Variants in PIBF1 observed in about 807,000 individuals in gnomAD.
PIBF1 encodes the protein progesterone-induced-blocking factor 1.
Under a neutral mutation model 112.5 loss-of-function variants are expected in PIBF1, and 90 were observed. That is an observed-to-expected ratio of 0.80 (90% CI 0.67 to 0.95). The LOEUF (loss-of-function observed/expected upper bound fraction) is 0.95, where lower values mean the gene tolerates loss of function less well. Ranked by LOEUF, PIBF1 falls within the 40% of genes least tolerant of loss-of-function variation. PIBF1 has a pLI of 0.00. For missense variants in PIBF1, 915 were observed against 852.3 expected, an observed-to-expected ratio of 1.07 and a Z score of -0.92; for synonymous variants, 301 against 288.6, an observed-to-expected ratio of 1.04 and a Z score of -0.44.
rs115973036 is a variant in PIBF1, at chr13:72,919,937, A to G, written c.1730+2771A>G. Among the ~76,000 whole-genome samples, 1,218 of 152,204 alleles carry G rather than the reference A, an allele frequency of 8.0e-3. 14 individuals carry two copies. The highest frequency in any genetic ancestry group is 0.028 in the African/African-American group (1,147 of 41,536). On this transcript the variant is annotated intron_variant, in intron 13 of 17. Transcript: ENST00000326291. Reference sequence around the variant, plus strand: ...AGCAGTGAACCGTGATTGTCCACTTACTCTTCAGCCTGGGTGACAGAGTAA... The same window carrying G: ...AGCAGTGAACCGTGATTGTCCACTTGCTCTTCAGCCTGGGTGACAGAGTAA...
chr13:72,843,794 A>G (rs2037717561), intron 9 of PIBF1, among the ~76,000 whole-genome samples: 2 of 152,082 alleles, frequency 1.3e-5, no homozygotes, highest in African/African-American at 2.4e-5. Context: ...TTTACTAGAG[A>G]TGTTTCTCTG....
chr13:72,874,665 A>G (rs2039318200), intron 10 of PIBF1, among the ~76,000 whole-genome samples: 1 of 152,218 alleles, frequency 6.6e-6, no homozygotes, highest in Non-Finnish European at 1.5e-5. Flanking sequence ...TTGCATGGCC[A>G]AAACAGTTGT....
rs1429838354 is a variant in PIBF1, at chr13:72,894,771, TAGTG to T, written c.1488+823_1488+826del. Reference sequence around the variant, plus strand: ...ATAATATATATATTATATATATATATAGTGTGTGTGTGTGTGTGTGTGTGTGTGT... The same window carrying T: ...ATAATATATATATTATATATATATATTGTGTGTGTGTGTGTGTGTGTGTGT... On this transcript the variant is annotated intron_variant, in intron 11 of 17. Coordinates refer to ENST00000326291, the MANE Select transcript of PIBF1 (RefSeq NM_006346.4). Among the ~76,000 whole-genome samples the T allele has an allele frequency of 4.7e-3, 450 of 96,148 alleles. 4 individuals carry two copies. Among genetic ancestry groups the T allele is most frequent in the African/African-American group, 0.018 (399 of 22,100 alleles). The allele number at this position is 96,148 out of a possible 152,430, so 63.1% of individuals were successfully genotyped here.
At chr13:72,939,072 A>T (rs1292037602) in intron 14 of PIBF1, among the ~76,000 whole-genome samples, 1 of 152,146 alleles carries the variant, frequency 6.6e-6, no homozygotes, top group Non-Finnish European at 1.5e-5. Context: ...CTAGACCTTT[A>T]TCCAATACAT....
chr13:72,810,908 G>T (rs1284710986), intron 5 of PIBF1, among the ~76,000 whole-genome samples: 1 of 150,950 alleles, frequency 6.6e-6, no homozygotes, highest in Non-Finnish European at 1.5e-5. Flanking sequence ...CCAGGCTGGA[G>T]TGCCTTGGCA....
At chr13:72,944,314 G>A (rs1181432617) in intron 14 of PIBF1, among the ~76,000 whole-genome samples, 1 of 152,006 alleles carries the variant, frequency 6.6e-6, no homozygotes, top group Non-Finnish European at 1.5e-5. Flanking sequence ...GGGCGTGGTT[G>A]TGGGCACCTG....
intron 15 of PIBF1, among the ~76,000 whole-genome samples, chr13:72,965,980 T>C (rs770638184): frequency 5.3e-5 from 8 of 152,212 alleles, no homozygotes; most frequent in African/African-American, 7.2e-5. Flanking sequence ...TTTTTTAAAC[T>C]GAAATTAAAG....
At chr13:72,849,964 A>G (rs916658205) in intron 9 of PIBF1, among the ~76,000 whole-genome samples, 2 of 152,390 alleles carry the variant, frequency 1.3e-5, no homozygotes, top group Non-Finnish European at 2.9e-5. Flanking sequence ...CTTCTGGCAC[A>G]TGGTAAACAG....
chr13:72,785,078 A>T (rs1288650705), intron 2 of PIBF1, among the ~76,000 whole-genome samples: 2 of 152,076 alleles, frequency 1.3e-5, no homozygotes, highest in Admixed American at 1.3e-4. Flanking sequence ...CAATCCCAAC[A>T]GTGAGGGTTC....
intron 15 of PIBF1, among the ~76,000 whole-genome samples, chr13:72,967,898 A>G (rs2042784745): frequency 1.3e-5 from 2 of 152,082 alleles, no homozygotes; most frequent in South Asian, 4.2e-4. Flanking sequence ...AAAATATTCC[A>G]TATCTGGCTG....
intron 16 of PIBF1, among the ~76,000 whole-genome samples, chr13:72,987,130 T>C (rs1024089093): frequency 6.6e-6 from 1 of 152,134 alleles, no homozygotes; most frequent in Non-Finnish European, 1.5e-5. Flanking sequence ...TTTTCAGTCA[T>C]AAGAGAGATG....
chr13:72,810,431 G>T (rs1401867820), intron 5 of PIBF1, among the ~76,000 whole-genome samples: 1 of 152,142 alleles, frequency 6.6e-6, no homozygotes, highest in African/African-American at 2.4e-5. Context: ...GAAGAATTTT[G>T]TCAAGAGTAC....
At chr13:72,887,249 G>A (rs928101881) in intron 10 of PIBF1, among the ~76,000 whole-genome samples, 1 of 151,772 alleles carries the variant, frequency 6.6e-6, no homozygotes, top group African/African-American at 2.4e-5. Context: ...ATGCACAAAA[G>A]TAAAATCTCT....
At chr13:72,975,376 A>G (rs948437425) in intron 16 of PIBF1, among the ~76,000 whole-genome samples, 5 of 152,184 alleles carry the variant, frequency 3.3e-5, no homozygotes, top group Admixed American at 6.5e-5. Context: ...CATTTAAAAC[A>G]TATCATTGGT....
chr13:72,795,483 G>A lies in PIBF1; in HGVS notation c.478G>A (p.Glu160Lys). 1 of 1,610,094 alleles carries A rather than the reference G, an allele frequency of 6.2e-7. No individual in the cohort carries two copies. The highest frequency in any genetic ancestry group is 1.7e-4 in the Middle Eastern group (1 of 6,040). Residue 160 changes from glutamate (E) to lysine (K), a missense_variant, in exon 4 of 18, where the codon GAG becomes AAG. By Grantham distance (56) the Glu-to-Lys change is moderately conservative (BLOSUM62 1). Transcript: ENST00000326291. ...GDVRRNLRDFELTEEQYIKLK... is the reference protein window; with the variant it reads ...GDVRRNLRDFKLTEEQYIKLK... ...TGTTCGTCGAAACCTGCGTGACTTT[G>A]AGTTGACAGAAGAGCAATATATTAA...
intron 12 of PIBF1, among the ~76,000 whole-genome samples, chr13:72,914,754 A>AT (rs1055855099): frequency 6.6e-6 from 1 of 151,986 alleles, no homozygotes; most frequent in African/African-American, 2.4e-5. Flanking sequence ...CCAACTAATT[A>AT]TTTTTTGTAG....
intron 5 of PIBF1, among the ~76,000 whole-genome samples, chr13:72,811,396 A>G (rs2036002785): frequency 6.6e-6 from 1 of 152,102 alleles, no homozygotes; most frequent in African/African-American, 2.4e-5. Flanking sequence ...TGAGGTCAGG[A>G]GTTCAAGACC....
At chr13:72,981,287 TAAAATA>T (rs1266233117) in intron 16 of PIBF1, among the ~76,000 whole-genome samples, 1 of 149,416 alleles carries the variant, frequency 6.7e-6, no homozygotes, top group African/African-American at 2.5e-5. Context: ...AATAAATAAA[TAAAATA>T]AAAATAAAAA....
intron 15 of PIBF1, among the ~76,000 whole-genome samples, chr13:72,970,035 TAA>T (rs1457666429): frequency 6.6e-6 from 1 of 152,214 alleles, no homozygotes; most frequent in Non-Finnish European, 1.5e-5. Context: ...TGATGATTTT[TAA>T]ATGTTTTTCT....
Sources: gnomAD v4.1 joint callset for allele counts (sites outside exome capture counted in the v4.1 genomes callset) on GRCh38, gnomAD v4.1.1 for gene constraint, MANE v1.5 for transcripts, NCBI Gene and HGNC (gene_info 2026-07-23, HGNC 2026-07-21) for gene names.